The following LDHAL6A variants were observed in gnomAD, a reference collection of about 807,000 sequenced individuals.
LDHAL6A encodes the protein L-lactate dehydrogenase A-like 6A.
LDHAL6A carries 19 observed loss-of-function variants against 28.2 expected under a neutral mutation model. That is an observed-to-expected ratio of 0.67 (90% CI 0.47 to 0.99). LDHAL6A has a LOEUF of 0.99. Among genes scored for constraint, LDHAL6A ranks in the 50% least tolerant of loss-of-function variants. LDHAL6A has a pLI of 0.00. For synonymous variants in LDHAL6A, 144 were observed against 134.4 expected (o/e 1.07, Z -0.49); for missense variants, 372 against 398.6 (o/e 0.93, Z 0.57).
intron 3 of LDHAL6A, among the ~76,000 whole-genome samples, chr11:18,467,641 T>C (rs947105140): frequency 2.6e-5 from 4 of 151,630 alleles, no homozygotes; most frequent in Non-Finnish European, 5.9e-5. Flanking sequence ...GTGGATCACC[T>C]GAGGTGAGGA....
At chr11:18,463,523 CA>C (rs1414752346) in intron 1 of LDHAL6A, among the ~76,000 whole-genome samples, 2 of 152,138 alleles carry the variant, frequency 1.3e-5, no homozygotes, top group Admixed American at 6.5e-5. Context: ...ACCATTTATT[CA>C]AAAAACTTTT....
intron 1 of LDHAL6A, among the ~76,000 whole-genome samples, chr11:18,461,860 G>GAAAA (rs34785727): frequency 7.6e-6 from 1 of 131,254 alleles, no homozygotes; most frequent in Non-Finnish European, 1.7e-5. Context: ...TCAAAAAAAA[G>GAAAA]AAAAAAAAAA....
At chr11:18,462,345 A>C (rs2133865370) in intron 1 of LDHAL6A, among the ~76,000 whole-genome samples, 1 of 152,112 alleles carries the variant, frequency 6.6e-6, no homozygotes, top group East Asian at 1.9e-4. Flanking sequence ...TACTAAAAAT[A>C]CAAAAAAATT....
Position 18,465,706 on chromosome 11 carries a change from C to CA in LDHAL6A, c.315dup (p.Arg106ThrfsTer3). On this transcript the variant is annotated frameshift_variant, in exon 3 of 7. Transcript: ENST00000280706. LOFTEE classifies it high-confidence loss of function. ...GGTGCACGCCAGAAAAAAGGAGAAA[C>CA]ACGCCTTGATTTAGTCCAGCGAAAT... 1 of 1,613,752 alleles carries CA rather than the reference C, an allele frequency of 6.2e-7. No homozygotes were observed. The highest frequency in any genetic ancestry group is 8.5e-7 in the Non-Finnish European group (1 of 1,179,706).
chr11:18,472,665 A>T (rs1849281004), intron 3 of LDHAL6A, among the ~76,000 whole-genome samples: 1 of 152,218 alleles, frequency 6.6e-6, no homozygotes, highest in Non-Finnish European at 1.5e-5. Flanking sequence ...TTTTTAAAGT[A>T]TGAGTTATTA....
chr11:18,467,972 T>TATATATAC, intron 3 of LDHAL6A, among the ~76,000 whole-genome samples: 2 of 43,564 alleles, frequency 4.6e-5, no homozygotes, highest in African/African-American at 2.4e-4. Context: ...TATATACGTA[T>TATATATAC]ATATATACGT....
chr11:18,475,706 T>G (rs1849359887), intron 4 of LDHAL6A, 67 bp downstream of exon 4: 2 of 1,369,228 alleles, frequency 1.5e-6, no homozygotes, highest in South Asian at 3.0e-5. Flanking sequence ...ACATTTAATG[T>G]AAAGTAGCTC....
At chr11:18,459,730 T>C (rs1197849643) in intron 1 of LDHAL6A, among the ~76,000 whole-genome samples, 1 of 152,208 alleles carries the variant, frequency 6.6e-6, no homozygotes, top group Non-Finnish European at 1.5e-5. Flanking sequence ...CTTTTTCTGT[T>C]CCATGATCCC....
At chr11:18,476,732 G>A in intron 5 of LDHAL6A, 1 of 426,458 alleles carries the variant, frequency 2.3e-6, no homozygotes, top group Non-Finnish European at 3.1e-6. Flanking sequence ...CATGGTAGGG[G>A]CTCACTTGTT....
Position 18,477,640 on chromosome 11 carries a change from T to G in LDHAL6A, c.731T>G (p.Met244Arg), listed in dbSNP as rs768946078. ...VISSGYEMVK[M>R]KGYTSWGISL... ...TACAGTGGCTATGAGATGGTCAAAA[T>G]GAAAGGTTATACTTCTTGGGGCATT... The change falls in exon 6 of 7, where the codon ATG (methionine) becomes AGG (arginine). Residue 244 changes from methionine to arginine, a missense_variant. By Grantham distance (91) the Met-to-Arg change is moderately conservative. This residue lies in a region of LDHAL6A where 291 missense variants were observed against 302.9 expected (regional missense o/e 0.96). Coordinates refer to ENST00000280706, the MANE Select transcript of LDHAL6A (RefSeq NM_144972.5). The G allele has an allele frequency of 1.2e-6, 2 of 1,610,854 alleles. No homozygotes were observed. The highest frequency in any genetic ancestry group is 1.1e-5 in the South Asian group (1 of 90,466).
chr11:18,461,836 A>G (rs1264039447), intron 1 of LDHAL6A, among the ~76,000 whole-genome samples: 1 of 146,996 alleles, frequency 6.8e-6, no homozygotes, highest in East Asian at 2.0e-4. Flanking sequence ...CTGGGCAACG[A>G]GCAAGATTCC....
At chr11:18,462,453 C>T (rs894963022) in intron 1 of LDHAL6A, among the ~76,000 whole-genome samples, 21 of 151,494 alleles carry the variant, frequency 1.4e-4, no homozygotes, top group Admixed American at 2.6e-4. Flanking sequence ...CTGGCTAACA[C>T]GGTGAAACCC....
chr11:18,471,858 ATT>A (rs200224050), intron 3 of LDHAL6A, among the ~76,000 whole-genome samples: 14 of 139,070 alleles, frequency 1.0e-4, no homozygotes, highest in Non-Finnish European at 6.3e-5. Context: ...AGTATTTAGG[ATT>A]TTTTTTTTTT....
intron 1 of LDHAL6A, among the ~76,000 whole-genome samples, chr11:18,461,786 T>C (rs996488203): frequency 9.1e-5 from 13 of 143,126 alleles, no homozygotes; most frequent in Non-Finnish European, 1.4e-4. Flanking sequence ...CGGGAAGGTG[T>C]GGGTTGCAGT....
chr11:18,458,004 G>A (rs908549937), intron 1 of LDHAL6A, among the ~76,000 whole-genome samples: 1 of 152,136 alleles, frequency 6.6e-6, no homozygotes, highest in African/African-American at 2.4e-5. Context: ...ATATAGAAAA[G>A]CTTGAAATAA....
intron 3 of LDHAL6A, among the ~76,000 whole-genome samples, chr11:18,472,050 A>G (rs774290121): frequency 7.9e-5 from 12 of 152,200 alleles, no homozygotes; most frequent in Non-Finnish European, 1.5e-4. Flanking sequence ...CTTCAAATCT[A>G]TAGTCATTTA....
chr11:18,478,428 T>C (rs147359908), intron 6 of LDHAL6A, among the ~76,000 whole-genome samples: 2,760 of 152,094 alleles, frequency 0.018, 75 homozygotes, highest in African/African-American at 0.063. Context: ...GGCGTGGTGG[T>C]GTGTGCCTGT....
Position 18,468,027 on chromosome 11 carries a change from A to G in LDHAL6A, c.418+2217A>G, listed in dbSNP as rs1301259246. Among the ~76,000 whole-genome samples, 13 of 55,976 alleles carry G rather than the reference A, an allele frequency of 2.3e-4. 1 individual carries two copies. The East Asian group carries it at 9.3e-3, about 40-fold the overall frequency. 36.7% of individuals were successfully genotyped at this position (55,976 alleles called of 152,430 possible). ...CGTATATATATACATATATATACGT[A>G]TATATATATACATATATATACGTAT... On this transcript the variant is annotated intron_variant, in intron 3 of 6. Transcript: ENST00000280706.
intron 6 of LDHAL6A, among the ~76,000 whole-genome samples, chr11:18,478,310 G>A (rs1849439810): frequency 6.6e-6 from 1 of 152,188 alleles, no homozygotes; most frequent in Non-Finnish European, 1.5e-5. Context: ...AAAGAAGGGT[G>A]AGCCCCAGCA....
Sources: gnomAD v4.1 joint callset for allele counts (sites outside exome capture counted in the v4.1 genomes callset) on GRCh38, gnomAD v4.1.1 for gene constraint, gnomAD v4.1.1 regional missense constraint, MANE v1.5 for transcripts, NCBI Gene and HGNC (gene_info 2026-07-23, HGNC 2026-07-21) for gene names.